NRG3: variants seen among roughly 807,000 people sequenced by gnomAD.
The protein encoded by NRG3 is pro-neuregulin-3, membrane-bound isoform.
A neutral mutation model predicts 66.9 loss-of-function variants in NRG3; 31 were observed. That is an observed-to-expected ratio of 0.46 (90% CI 0.35 to 0.63). The LOEUF (loss-of-function observed/expected upper bound fraction) is 0.63. Ranked by LOEUF, NRG3 falls within the 20% of genes least tolerant of loss-of-function variation. The pLI is 0.00. For missense variants in NRG3, 910 were observed against 878.9 expected (o/e 1.04, Z -0.45); for synonymous variants, 393 against 359.4 (o/e 1.09, Z -1.06).
chr10:82,765,282 C>T (rs566980261), intron 3 of NRG3, among the ~76,000 whole-genome samples: 2 of 152,136 alleles, frequency 1.3e-5, no homozygotes, highest in East Asian at 3.9e-4. Context: ...TCTTACAATT[C>T]ACACAAAATA....
intron 3 of NRG3, among the ~76,000 whole-genome samples, chr10:82,820,002 T>C (rs2061877518): frequency 6.6e-6 from 1 of 152,120 alleles, no homozygotes; most frequent in Non-Finnish European, 1.5e-5. Flanking sequence ...ATGGAGAAAC[T>C]CAGTGAACAC....
At chr10:82,926,117 G>A (rs1337970899) in intron 4 of NRG3, among the ~76,000 whole-genome samples, 1 of 152,082 alleles carries the variant, frequency 6.6e-6, no homozygotes, top group African/African-American at 2.4e-5. Flanking sequence ...GAAAATATTT[G>A]GAAAAGAAAA....
intron 1 of NRG3, among the ~76,000 whole-genome samples, chr10:82,193,260 A>G (rs2074262187): frequency 6.6e-6 from 1 of 152,146 alleles, no homozygotes; most frequent in South Asian, 2.1e-4. Context: ...CTCCTCCCTC[A>G]GCCTCCTGAA....
intron 4 of NRG3, among the ~76,000 whole-genome samples, chr10:82,879,071 A>G (rs144402370): frequency 2.6e-5 from 4 of 152,274 alleles, no homozygotes; most frequent in East Asian, 3.9e-4. Flanking sequence ...TGTACTTCCT[A>G]TTTTATTCAT....
At chr10:82,251,574 G>C (rs1385097062) in intron 1 of NRG3, among the ~76,000 whole-genome samples, 1 of 152,178 alleles carries the variant, frequency 6.6e-6, no homozygotes, top group Non-Finnish European at 1.5e-5. Flanking sequence ...TGCTTGGCCT[G>C]AGAAGCATGA....
chr10:82,738,752 C>T, intron 3 of NRG3, 102 bp downstream of exon 3: 2 of 1,008,774 alleles, frequency 2.0e-6, no homozygotes, highest in Non-Finnish European at 3.1e-6. Flanking sequence ...AGTCTTGTGT[C>T]TCTGAAAGCT....
chr10:82,888,916 C>A lies in NRG3; in HGVS notation c.1054+23479C>A, dbSNP rs188033862. Among the ~76,000 whole-genome samples, 54 of 152,022 alleles carry A rather than the reference C, an allele frequency of 3.6e-4. No homozygotes were observed. In the East Asian group the frequency reaches 8.6e-3, roughly 24 times the overall value. Reference sequence around the variant, plus strand: ...GATTTTTAAGGGAAAACTTTCCAGGCATAGGAAAGTTGAAATTCAAGCGCA... The same window carrying A: ...GATTTTTAAGGGAAAACTTTCCAGGAATAGGAAAGTTGAAATTCAAGCGCA... On this transcript the variant is annotated intron_variant, in intron 4 of 8. Transcript: ENST00000372141.
rs147745954 is a variant in NRG3 at position 82,693,539 on chromosome 10, G to A, written c.954-45038G>A. On this transcript the variant is annotated intron_variant, in intron 2 of 8. Transcript: ENST00000372141. ...TGTGTGTGAGTTACTAAATCACTCC[G>A]TGCTTAGGTTTTCTCCTACAAAACA... is the stretch of plus-strand genomic sequence containing the variant. Among the ~76,000 whole-genome samples, 16 of 152,212 alleles carry A rather than the reference G, an allele frequency of 1.1e-4. No homozygotes were observed. In the East Asian group the frequency reaches 1.5e-3, roughly 15 times the overall value.
intron 6 of NRG3, among the ~76,000 whole-genome samples, chr10:82,969,408 C>T (rs1851525814): frequency 6.6e-6 from 1 of 152,166 alleles, no homozygotes; most frequent in Non-Finnish European, 1.5e-5. Context: ...AATACACAAT[C>T]AATAATGAAG....
chr10:82,136,633 A>C (rs926215330), intron 1 of NRG3, among the ~76,000 whole-genome samples: 2 of 152,094 alleles, frequency 1.3e-5, no homozygotes, highest in African/African-American at 2.4e-5. Context: ...GTTACACCAG[A>C]AGCCAGTACT....
At chr10:81,924,465 G>A (rs1200818851) in intron 1 of NRG3, among the ~76,000 whole-genome samples, 1 of 152,166 alleles carries the variant, frequency 6.6e-6, no homozygotes, top group African/African-American at 2.4e-5. Context: ...TGAGCTTGTG[G>A]TCTTCCCCCT....
At chr10:81,909,121 T>C (rs1161323472) in intron 1 of NRG3, among the ~76,000 whole-genome samples, 1 of 152,226 alleles carries the variant, frequency 6.6e-6, no homozygotes, top group East Asian at 1.9e-4. Flanking sequence ...TAGATTCTAG[T>C]GGTTGCTGGC....
intron 1 of NRG3, among the ~76,000 whole-genome samples, chr10:82,017,881 C>T (rs1329970342): frequency 1.2e-4 from 19 of 152,100 alleles, no homozygotes; most frequent in Non-Finnish European, 1.8e-4. Context: ...TTCTCCCATT[C>T]TGTAGGTTGC....
intron 3 of NRG3, among the ~76,000 whole-genome samples, chr10:82,863,345 G>A (rs751161161): frequency 3.9e-5 from 6 of 152,158 alleles, no homozygotes; most frequent in Non-Finnish European, 5.9e-5. Context: ...CTTTATAGCA[G>A]AATGATTTAT....
At chr10:81,947,457 G>A (rs542836605) in intron 1 of NRG3, among the ~76,000 whole-genome samples, 97 of 152,224 alleles carry the variant, frequency 6.4e-4, no homozygotes, top group African/African-American at 2.2e-3. Context: ...CCTGTCATCT[G>A]ACAGAATTTT....
chr10:82,492,423 C>G (rs2067999), intron 2 of NRG3, among the ~76,000 whole-genome samples: 96,233 of 152,092 alleles, frequency 0.63, 32,387 homozygotes, highest in South Asian at 0.79. Flanking sequence ...GTAACACTCT[C>G]TGGTGATTTT....
chr10:82,294,434 AGTGTGTGT>A (rs35072007), intron 1 of NRG3, among the ~76,000 whole-genome samples: 411 of 149,160 alleles, frequency 2.8e-3, no homozygotes, highest in South Asian at 0.015. Context: ...CTACTGATGA[AGTGTGTGT>A]GTGTGTGTGT....
intron 2 of NRG3, among the ~76,000 whole-genome samples, chr10:82,516,106 C>T (rs560823633): frequency 6.6e-6 from 1 of 151,916 alleles, no homozygotes; most frequent in Non-Finnish European, 1.5e-5. Flanking sequence ...TTTGTAGCAG[C>T]ATAGATTGGT....
intron 1 of NRG3, among the ~76,000 whole-genome samples, chr10:81,890,311 C>G (rs1027295480): frequency 6.6e-5 from 10 of 151,942 alleles, no homozygotes; most frequent in Admixed American, 2.6e-4. Flanking sequence ...AGAAACTTGC[C>G]GAATCCATTT....
Sources: gnomAD v4.1 joint callset for allele counts (sites outside exome capture counted in the v4.1 genomes callset) on GRCh38, gnomAD v4.1.1 for gene constraint, MANE v1.5 for transcripts, NCBI Gene and HGNC (gene_info 2026-07-23, HGNC 2026-07-21) for gene names.